The following DNAJC10 variants were observed in gnomAD, a reference collection of about 807,000 sequenced individuals.
DNAJC10 encodes the protein endoplasmic reticulum disulfide reductase DNAJC10.
In DNAJC10, 101 loss-of-function variants were observed where a neutral mutation model predicts 115.0. The ratio of observed to expected loss-of-function variants is 0.88; its 90% CI spans 0.75 to 1.04. DNAJC10 has a LOEUF of 1.04. Among genes scored for constraint, DNAJC10 ranks in the 50% least tolerant of loss-of-function variants. DNAJC10 has a pLI of 0.00. For synonymous variants in DNAJC10, 307 were observed against 301.5 expected (o/e 1.02, Z -0.19); for missense variants, 981 against 928.8 (o/e 1.06, Z -0.73).
chr2:182,727,591 C>G (rs1424775184), intron 5 of DNAJC10, among the ~76,000 whole-genome samples: 2 of 152,116 alleles, frequency 1.3e-5, no homozygotes, highest in African/African-American at 4.8e-5. Context: ...TGTAGATTAA[C>G]TGTTTTCCCA....
Position 182,718,096 on chromosome 2 carries a change from T to C in DNAJC10, c.10T>C (p.Trp4Arg). Residue 4 changes from tryptophan to arginine, a missense_variant, in exon 3 of 24, where the codon TGG becomes CGG. Trp to Arg is a moderately radical substitution (Grantham distance 101). Transcript: ENST00000264065. MGV[W>R]LNKDDYIRDL... ...TTGCATAAGAAAGAGAATGGGAGTC[T>C]GGTTAAATAAAGATGACTATATCAG... 1 of 1,599,234 alleles carries C rather than the reference T, an allele frequency of 6.3e-7. No homozygotes were observed. The highest frequency in any genetic ancestry group is 1.3e-5 in the African/African-American group (1 of 74,630).
chr2:182,743,289 A>C (rs567351197), intron 13 of DNAJC10, among the ~76,000 whole-genome samples: 1 of 152,148 alleles, frequency 6.6e-6, no homozygotes, highest in African/African-American at 2.4e-5. Flanking sequence ...TCTGAAAGTG[A>C]TCTCTCCTCT....
At position 182,752,090 on chromosome 2, in the gene DNAJC10, G is replaced by C; in HGVS notation, c.1453G>C (p.Ala485Pro). 1 of 1,613,380 alleles carries C rather than the reference G, an allele frequency of 6.2e-7. No individual in the cohort carries two copies. The highest frequency in any genetic ancestry group is 1.1e-5 in the South Asian group (1 of 90,980). The change falls in exon 16 of 24, where the codon GCT becomes CCT. Residue 485 changes from alanine (A) to proline (P), a missense_variant. Coordinates refer to ENST00000264065, the MANE Select transcript of DNAJC10 (RefSeq NM_018981.4). Reference sequence around the variant, plus strand: ...TTCCTAGTGGTGTCCACCATGTCGAGCTTTACTACCAGAGTTACGAAGAGC... The same window carrying C: ...TTCCTAGTGGTGTCCACCATGTCGACCTTTACTACCAGAGTTACGAAGAGC... ...FFAPWCPPCR[A>P]LLPELRRASN...
intron 10 of DNAJC10, among the ~76,000 whole-genome samples, chr2:182,734,637 A>C (rs556407418): frequency 4.6e-5 from 7 of 151,998 alleles, no homozygotes; most frequent in African/African-American, 1.4e-4. Flanking sequence ...TTGTCTGCCT[A>C]TTCTATCAAT....
At position 182,791,920 on chromosome 2, in the gene DNAJC10, A is replaced by G. The variant is rs1311764931; in HGVS notation, c.*14788A>G. 6.6e-6 allele frequency: 1 copy of G among 152,212 alleles called. No homozygotes were observed. Among genetic ancestry groups the G allele is most frequent in the Non-Finnish European group, 1.5e-5 (1 of 68,024 alleles). 9.4% of individuals were successfully genotyped at this position (152,212 alleles called of 1,614,324 possible). On this transcript the variant is annotated 3_prime_UTR_variant, in exon 24 of 24. Coordinates refer to ENST00000264065, the MANE Select transcript of DNAJC10 (RefSeq NM_018981.4). Reference sequence around the variant, plus strand: ...TTAAAAGTTATGTTTTGCATTTTACAACATATTGAAGATACACATTTTAAA... The same window carrying G: ...TTAAAAGTTATGTTTTGCATTTTACGACATATTGAAGATACACATTTTAAA...
In DNAJC10 at chr2:182,783,388, T is replaced by C. The variant is rs1258655707; in HGVS notation, c.*6256T>C. The C allele has an allele frequency of 6.6e-6, 1 of 152,140 alleles. No homozygotes were observed. Among genetic ancestry groups the C allele is most frequent in the Non-Finnish European group, 1.5e-5 (1 of 68,028 alleles). 9.4% of individuals were successfully genotyped at this position (152,140 alleles called of 1,614,324 possible). A position where few individuals can be genotyped will look rare whatever the true frequency, so the allele number is the denominator to read the frequency against. ...TATGCATTGAAATATCTTTCTCAAG[T>C]CATTAGATAAAGTATATGGCGTTAA... On this transcript the variant is annotated 3_prime_UTR_variant, in exon 24 of 24. Transcript: ENST00000264065.
intron 5 of DNAJC10, among the ~76,000 whole-genome samples, chr2:182,727,552 G>A (rs999836330): frequency 5.9e-5 from 9 of 151,894 alleles, no homozygotes; most frequent in Admixed American, 5.2e-4. Flanking sequence ...ACAGCCCATA[G>A]TCCTGAATTA....
intron 7 of DNAJC10, 118 bp downstream of exon 7, chr2:182,729,112 C>T (rs1029896269): frequency 2.9e-6 from 3 of 1,031,338 alleles, no homozygotes; most frequent in African/African-American, 3.2e-5. Context: ...TACAAGGTGC[C>T]ATCTCACTAG....
chr2:182,739,165 T>G (rs1380240211), intron 11 of DNAJC10, among the ~76,000 whole-genome samples: 4 of 48,756 alleles, frequency 8.2e-5, no homozygotes, highest in African/African-American at 1.6e-4. Flanking sequence ...ATGTTTATGA[T>G]ATATATATAT....
At chr2:182,727,300 T>C (rs1338332392) in intron 5 of DNAJC10, among the ~76,000 whole-genome samples, 1 of 152,210 alleles carries the variant, frequency 6.6e-6, no homozygotes, top group African/African-American at 2.4e-5. Flanking sequence ...CATATTTTTA[T>C]TTAAGACTTA....
At chr2:182,740,133 C>A in intron 11 of DNAJC10, 166 bp from the exon 12 acceptor site, 4 of 1,137,454 alleles carry the variant, frequency 3.5e-6, no homozygotes, top group South Asian at 2.7e-5. Flanking sequence ...TGATAATTGC[C>A]AAAATACACT....
intron 14 of DNAJC10, among the ~76,000 whole-genome samples, chr2:182,749,076 G>A (rs1012749692): frequency 4.6e-5 from 7 of 152,092 alleles, no homozygotes; most frequent in South Asian, 2.1e-4. Flanking sequence ...TTACTTCCAA[G>A]GGTGTGGCCA....
Position 182,718,008 on chromosome 2 carries a change from C to A in DNAJC10, c.-79C>A. The A allele has an allele frequency of 9.2e-7, 1 of 1,089,390 alleles. No homozygotes were observed. The highest frequency in any genetic ancestry group is 1.3e-6 in the Non-Finnish European group (1 of 764,002). 67.5% of individuals were successfully genotyped at this position (1,089,390 alleles called of 1,614,324 possible). On this transcript the variant is annotated 5_prime_UTR_variant, in exon 3 of 24. Coordinates refer to ENST00000264065, the MANE Select transcript of DNAJC10 (RefSeq NM_018981.4). ...TTGAAGTAATGTAGACAGAAGTTCTCAAATTTGCATATTACATCAACTGGA... is the reference window on the plus strand; with the variant it reads ...TTGAAGTAATGTAGACAGAAGTTCTAAAATTTGCATATTACATCAACTGGA...
intron 13 of DNAJC10, among the ~76,000 whole-genome samples, chr2:182,741,958 A>G (rs1693748702): frequency 6.6e-6 from 1 of 152,150 alleles, no homozygotes; most frequent in Admixed American, 6.5e-5. Context: ...TCATACAACA[A>G]TATCATAAAC....
intron 16 of DNAJC10, chr2:182,752,448 A>T: frequency 2.7e-6 from 1 of 367,748 alleles, no homozygotes; most frequent in Non-Finnish European, 4.1e-6. Flanking sequence ...TAACTTCATA[A>T]AATGCTTATA....
intron 17 of DNAJC10, among the ~76,000 whole-genome samples, 160 bp downstream of exon 17, chr2:182,755,264 T>TA (rs1028977530): frequency 6.6e-6 from 1 of 152,208 alleles, no homozygotes; most frequent in African/African-American, 2.4e-5. Flanking sequence ...TTACTCTTCT[T>TA]ATATACTTGT....
chr2:182,724,054 A>G lies in DNAJC10; in HGVS notation c.418+1979A>G, dbSNP rs113966324. The stretch of plus-strand genomic sequence containing the variant: ...AAGCAAATGCCTTCTAAGCTCTTCT[A>G]TTATATGCAGCATAGGTTAAGTAGG... On this transcript the variant is annotated intron_variant, in intron 5 of 23. Coordinates refer to ENST00000264065, the MANE Select transcript of DNAJC10 (RefSeq NM_018981.4). Among the ~76,000 whole-genome samples the G allele has an allele frequency of 8.9e-4, 135 of 152,306 alleles. 1 individual carries two copies. The highest frequency in any genetic ancestry group is 2.7e-3 in the African/African-American group (112 of 41,586).
intron 12 of DNAJC10, 70 bp downstream of exon 12, chr2:182,740,458 A>C: frequency 1.4e-6 from 2 of 1,402,350 alleles, no homozygotes; most frequent in Non-Finnish European, 1.9e-6. Flanking sequence ...ACATTTTAAA[A>C]TTAGCATTTG....
intron 8 of DNAJC10, 29 bp downstream of exon 8, chr2:182,729,970 T>G: frequency 6.9e-7 from 1 of 1,440,456 alleles, no homozygotes; most frequent in Non-Finnish European, 9.7e-7. Flanking sequence ...TTTGCTTGAT[T>G]TTCAGGGTAT....
Sources: gnomAD v4.1 joint callset for allele counts (sites outside exome capture counted in the v4.1 genomes callset) on GRCh38, gnomAD v4.1.1 for gene constraint, MANE v1.5 for transcripts, NCBI Gene and HGNC (gene_info 2026-07-23, HGNC 2026-07-21) for gene names.